Variants in TBK1 observed in about 807,000 individuals in gnomAD.
TBK1 encodes serine/threonine-protein kinase TBK1.
TBK1 carries 37 observed loss-of-function variants against 99.9 expected under a neutral mutation model. The ratio of observed to expected loss-of-function variants is 0.37; its 90% CI spans 0.28 to 0.49. The LOEUF is 0.49. Ranked by LOEUF, TBK1 falls within the 20% of genes least tolerant of loss-of-function variation. The pLI is 0.98. For missense variants in TBK1, 644 were observed against 872.5 expected, an observed-to-expected ratio of 0.74 and a Z score of 3.30; for synonymous variants, 258 against 279.8, an observed-to-expected ratio of 0.92 and a Z score of 0.78.
intron 6 of TBK1, among the ~76,000 whole-genome samples, chr12:64,476,637 A>G (rs2040716990): frequency 6.6e-6 from 1 of 152,128 alleles, no homozygotes; most frequent in Non-Finnish European, 1.5e-5. Context: ...TATTCTGTTG[A>G]GAGTTCTTTT....
chr12:64,494,474 G>A (rs556985992), intron 13 of TBK1, among the ~76,000 whole-genome samples: 7 of 152,120 alleles, frequency 4.6e-5, no homozygotes, highest in African/African-American at 1.7e-4. Flanking sequence ...ATGAGACTCT[G>A]TTTCAAAAAT....
chr12:64,475,603 G>T, intron 6 of TBK1, among the ~76,000 whole-genome samples: 1 of 152,200 alleles, frequency 6.6e-6, no homozygotes, highest in East Asian at 1.9e-4. Flanking sequence ...TTATAAGTGA[G>T]AACATAACAG....
At chr12:64,484,773 G>A (rs2040802195) in intron 9 of TBK1, among the ~76,000 whole-genome samples, 1 of 151,990 alleles carries the variant, frequency 6.6e-6, no homozygotes, top group Non-Finnish European at 1.5e-5. Flanking sequence ...AATCCACAAA[G>A]TCTGTCATTG....
At chr12:64,478,864 C>T (rs541281269) in intron 6 of TBK1, among the ~76,000 whole-genome samples, 15 of 152,278 alleles carry the variant, frequency 9.9e-5, no homozygotes, top group South Asian at 2.1e-4. Context: ...AAAGCAATGT[C>T]AGCATTTCTT....
At position 64,456,820 on chromosome 12, in the gene TBK1, T is replaced by C. The variant is rs370119050; in HGVS notation, c.87+863T>C. On this transcript the variant is annotated intron_variant, in intron 2 of 20. Coordinates refer to ENST00000331710, the MANE Select transcript of TBK1 (RefSeq NM_013254.4). ...TAGCACCACTGCACTCCAGCCTGGG[T>C]GACAGAGCAAGACTCAATTAAAAAA... Among the ~76,000 whole-genome samples, 218 of 145,772 alleles carry C rather than the reference T, an allele frequency of 1.5e-3. 1 individual carries two copies. In the East Asian group the frequency reaches 0.027, roughly 18 times the overall value.
chr12:64,479,404 A>C (rs572689228), intron 6 of TBK1, among the ~76,000 whole-genome samples: 96 of 152,348 alleles, frequency 6.3e-4, no homozygotes, highest in African/African-American at 2.3e-3. Context: ...CTGAGGAAGC[A>C]GCAAATGGTC....
chr12:64,488,970 G>A (rs2040843937), intron 12 of TBK1, among the ~76,000 whole-genome samples: 1 of 152,192 alleles, frequency 6.6e-6, no homozygotes, highest in East Asian at 1.9e-4. Context: ...CCAGCCTGGT[G>A]ACAGAGTGAG....
At chr12:64,495,874 TAA>T in intron 15 of TBK1, 99 bp downstream of exon 15, 1 of 909,636 alleles carries the variant, frequency 1.1e-6, no homozygotes, top group Non-Finnish European at 1.6e-6. Context: ...GGTAGCTTCT[TAA>T]GCTGTTTTTT....
intron 3 of TBK1, among the ~76,000 whole-genome samples, chr12:64,461,884 A>G (rs1322727345): frequency 6.6e-6 from 1 of 152,226 alleles, no homozygotes; most frequent in African/African-American, 2.4e-5. Flanking sequence ...AGAGGAAGAG[A>G]CACAAAGCGT....
At chr12:64,498,076 G>T (rs752842048) in intron 20 of TBK1, 37 bp downstream of exon 20, 220 of 1,535,820 alleles carry the variant, frequency 1.4e-4, no homozygotes, top group Non-Finnish European at 1.9e-4. Context: ...GATTTTCTGT[G>T]CAATTGAGTT....
intron 17 of TBK1, 45 bp downstream of exon 17, chr12:64,497,095 A>G (rs775348789): frequency 6.3e-7 from 1 of 1,582,406 alleles, no homozygotes; most frequent in Non-Finnish European, 8.7e-7. Context: ...ACTGCACAAT[A>G]TAAATGTATA....
chr12:64,463,329 G>A (rs188155350), intron 3 of TBK1, among the ~76,000 whole-genome samples: 2 of 151,400 alleles, frequency 1.3e-5, no homozygotes, highest in East Asian at 3.9e-4. Flanking sequence ...CCAGTGAGCC[G>A]AGATCGCGCC....
chr12:64,460,832 CA>C lies in TBK1; in HGVS notation c.228+522del, dbSNP rs1221718352. Among the ~76,000 whole-genome samples the C allele has an allele frequency of 4.8e-3, 218 of 45,468 alleles. 1 individual carries two copies. Among genetic ancestry groups the C allele is most frequent in the Middle Eastern group, 0.024 (2 of 84 alleles). 29.8% of individuals were successfully genotyped at this position (45,468 alleles called of 152,430 possible). ...CTGGCAACAGAGGGAGACTCCATCTCAAAAAAAAAAAAAAAAAAAGAAAGGA... is the reference window on the plus strand; with the variant it reads ...CTGGCAACAGAGGGAGACTCCATCTCAAAAAAAAAAAAAAAAAAGAAAGGA... On this transcript the variant is annotated intron_variant, in intron 3 of 20. Coordinates refer to ENST00000331710, the MANE Select transcript of TBK1 (RefSeq NM_013254.4).
At chr12:64,465,423 C>T (rs1320519581) in intron 4 of TBK1, among the ~76,000 whole-genome samples, 3 of 151,290 alleles carry the variant, frequency 2.0e-5, no homozygotes, top group Non-Finnish European at 4.4e-5. Context: ...TCCACTGCTA[C>T]GTATATACCC....
intron 11 of TBK1, among the ~76,000 whole-genome samples, chr12:64,486,874 C>A (rs567802657): frequency 2.1e-4 from 32 of 152,280 alleles, no homozygotes; most frequent in Admixed American, 3.9e-4. Context: ...CATTAGTATT[C>A]ACTCTCCATC....
At chr12:64,461,600 C>G (rs112959306) in intron 3 of TBK1, among the ~76,000 whole-genome samples, 102 of 152,226 alleles carry the variant, frequency 6.7e-4, no homozygotes, top group Non-Finnish European at 8.7e-4. Flanking sequence ...TGGAATTAGC[C>G]AAACTCAAGA....
At chr12:64,480,258 G>A in intron 7 of TBK1, 136 bp downstream of exon 7, 1 of 560,374 alleles carries the variant, frequency 1.8e-6, no homozygotes, top group Non-Finnish European at 3.1e-6. Flanking sequence ...CATGTGCTTT[G>A]ATAAATGATT....
intron 18 of TBK1, 132 bp downstream of exon 18, chr12:64,497,391 C>A: frequency 1.5e-6 from 1 of 673,896 alleles, no homozygotes; most frequent in Non-Finnish European, 2.3e-6. Flanking sequence ...TATTTTGAGC[C>A]AAGTTTTAAG....
rs375914024 is a variant in TBK1 at position 64,488,420 on chromosome 12, A to T, written c.1341-67A>T. The T allele has an allele frequency of 4.5e-6, 4 of 887,264 alleles. No homozygotes were observed. The African/African-American group carries it at 6.9e-5, about 15-fold the overall frequency. 55.0% of individuals were successfully genotyped at this position (887,264 alleles called of 1,614,324 possible). Reference sequence around the variant, plus strand: ...TGTTTTTGAACTGTAGTACTGCAGTATAATTAGTGATAGATAGAAAAAATA... The same window carrying T: ...TGTTTTTGAACTGTAGTACTGCAGTTTAATTAGTGATAGATAGAAAAAATA... On this transcript the variant is annotated intron_variant, in intron 11 of 20. Coordinates refer to ENST00000331710, the MANE Select transcript of TBK1 (RefSeq NM_013254.4).
Sources: allele counts gnomAD v4.1 joint callset (sites outside exome capture counted in the v4.1 genomes callset), GRCh38; gene constraint gnomAD v4.1.1; transcripts MANE v1.5; gene names NCBI Gene and HGNC (gene_info 2026-07-23, HGNC 2026-07-21).